The following NBAS variants were observed in gnomAD, a reference collection of about 807,000 sequenced individuals.
NBAS encodes the protein NAG/BC035112 fusion.
In NBAS, 219 loss-of-function variants were observed where a neutral mutation model predicts 302.5. The observed-to-expected ratio is 0.72, with a 90% CI of 0.65 to 0.81. The LOEUF (loss-of-function observed/expected upper bound fraction) is 0.81, where lower values mean the gene tolerates loss of function less well. Ranked by LOEUF, NBAS falls within the 30% of genes least tolerant of loss-of-function variation. The probability of loss-of-function intolerance (pLI) is 0.00; values close to 1 mark genes in which losing one functional copy is unlikely to be tolerated. For missense variants in NBAS, 2,932 were observed against 2,841.6 expected (o/e 1.03, Z -0.72); for synonymous variants, 1,118 against 1,021.6 (o/e 1.09, Z -1.80).
At chr2:15,248,207 G>A (rs749185037) in intron 44 of NBAS, among the ~76,000 whole-genome samples, 3 of 152,098 alleles carry the variant, frequency 2.0e-5, no homozygotes, top group African/African-American at 4.8e-5. Context: ...ATGACTACTC[G>A]GTGAATAACA....
intron 48 of NBAS, among the ~76,000 whole-genome samples, chr2:15,204,016 C>T (rs1666020738): frequency 6.6e-6 from 1 of 151,858 alleles, no homozygotes; most frequent in Non-Finnish European, 1.5e-5. Context: ...GCATCCAGCA[C>T]TTTGGGAGGT....
chr2:15,293,638 T>G (rs79713890), intron 40 of NBAS, among the ~76,000 whole-genome samples: 1 of 128,744 alleles, frequency 7.8e-6, no homozygotes, highest in Non-Finnish European at 1.6e-5. Flanking sequence ...ATATTTAATA[T>G]AAGCAAATTA....
chr2:15,196,579 A>G (rs1665630087), intron 48 of NBAS, among the ~76,000 whole-genome samples: 1 of 152,212 alleles, frequency 6.6e-6, no homozygotes, highest in Non-Finnish European at 1.5e-5. Flanking sequence ...TACAAACAAA[A>G]TGCAGAAAAC....
the NBAS span, among the ~76,000 whole-genome samples, chr2:14,804,918 A>C: frequency 6.6e-6 from 1 of 152,206 alleles, no homozygotes; most frequent in Non-Finnish European, 1.5e-5. Flanking sequence ...GTTTCCCCAA[A>C]CAGAAGGACC....
chr2:14,784,790 T>G, the NBAS span, among the ~76,000 whole-genome samples: 1 of 152,226 alleles, frequency 6.6e-6, no homozygotes, highest in Non-Finnish European at 1.5e-5. Context: ...TAGGATTGAC[T>G]TGGCGATGCA....
chr2:15,171,862 G>A (rs751680866), intron 51 of NBAS, among the ~76,000 whole-genome samples: 20 of 152,200 alleles, frequency 1.3e-4, no homozygotes, highest in East Asian at 5.8e-4. Context: ...GTGAGAAGGC[G>A]GCCGTCGACA....
intron 28 of NBAS, chr2:15,393,544 T>C (rs1053885466): frequency 2.6e-6 from 1 of 383,230 alleles, no homozygotes; most frequent in East Asian, 7.2e-5. Context: ...GTTTGGCAGT[T>C]TTTGAAAGTT....
chr2:15,383,516 G>A (rs1316655074), intron 28 of NBAS, among the ~76,000 whole-genome samples, 199 bp from the exon 29 acceptor site: 1 of 152,152 alleles, frequency 6.6e-6, no homozygotes, highest in Non-Finnish European at 1.5e-5. Flanking sequence ...GGAAAGTTGG[G>A]CAGCTATGCA....
the NBAS span, among the ~76,000 whole-genome samples, chr2:14,856,330 A>G: frequency 8.8e-4 from 134 of 152,338 alleles, 1 homozygote; most frequent in Non-Finnish European, 1.7e-3. Flanking sequence ...AAGAATGGCT[A>G]CAAATAAGTC....
At chr2:15,090,783 G>T in the NBAS span, among the ~76,000 whole-genome samples, 2 of 152,110 alleles carry the variant, frequency 1.3e-5, no homozygotes, top group Non-Finnish European at 2.9e-5. Context: ...GTCTTTATTT[G>T]AAAGCTCTGC....
intron 28 of NBAS, among the ~76,000 whole-genome samples, chr2:15,387,658 G>A (rs367557857): frequency 6.7e-6 from 1 of 148,308 alleles, no homozygotes; most frequent in Non-Finnish European, 1.5e-5. Context: ...TTAAGACAGT[G>A]TCTTACTCTG....
In NBAS at chr2:15,380,894, T is replaced by C. The variant is rs181198784; in HGVS notation, c.3361-1063A>G. Reference sequence around the variant, plus strand: ...GGATGCTCTTATTTTCACTTCTTTGTGTCTAGGCTTCCTGCAGAAGGCATT... The same window carrying C: ...GGATGCTCTTATTTTCACTTCTTTGCGTCTAGGCTTCCTGCAGAAGGCATT... On this transcript the variant is annotated intron_variant, in intron 29 of 51. Transcript: ENST00000281513. Among the ~76,000 whole-genome samples, 466 of 151,016 alleles carry C rather than the reference T, an allele frequency of 3.1e-3. 3 individuals carry two copies. Among genetic ancestry groups the C allele is most frequent in the Admixed American group, 8.4e-3 (127 of 15,078 alleles).
At chr2:14,891,456 T>G in the NBAS span, among the ~76,000 whole-genome samples, 1 of 152,194 alleles carries the variant, frequency 6.6e-6, no homozygotes, top group South Asian at 2.1e-4. Flanking sequence ...AATAAGTGTG[T>G]GTGAGGCAAA....
intron 42 of NBAS, among the ~76,000 whole-genome samples, chr2:15,286,855 T>C (rs577875595): frequency 6.6e-6 from 1 of 152,352 alleles, no homozygotes; most frequent in South Asian, 2.1e-4. Flanking sequence ...ATACTTAGTC[T>C]AGTACACAAA....
intron 35 of NBAS, among the ~76,000 whole-genome samples, chr2:15,332,598 A>T (rs1273113790): frequency 6.6e-6 from 1 of 152,116 alleles, no homozygotes; most frequent in African/African-American, 2.4e-5. Context: ...TGCAAAAACC[A>T]TCAACTCAAT....
At chr2:15,276,352 T>C (rs1207941346) in intron 43 of NBAS, among the ~76,000 whole-genome samples, 1 of 152,174 alleles carries the variant, frequency 6.6e-6, no homozygotes, top group African/African-American at 2.4e-5. Context: ...TTATGAAGTA[T>C]AAAAATTAAG....
At chr2:15,539,737 T>C (rs1345482621) in intron 6 of NBAS, among the ~76,000 whole-genome samples, 3 of 152,156 alleles carry the variant, frequency 2.0e-5, no homozygotes, top group Non-Finnish European at 4.4e-5. Flanking sequence ...GTTCCACTCC[T>C]CTAAAAGCAA....
At chr2:14,929,889 C>T in the NBAS span, among the ~76,000 whole-genome samples, 3 of 152,212 alleles carry the variant, frequency 2.0e-5, no homozygotes, top group East Asian at 5.8e-4. Flanking sequence ...TGGTAGGAGG[C>T]AACTGGATCA....
chr2:15,498,234 G>A (rs1004209300), intron 11 of NBAS, among the ~76,000 whole-genome samples: 1 of 152,146 alleles, frequency 6.6e-6, no homozygotes, highest in South Asian at 2.1e-4. Context: ...TACCACAGAT[G>A]CTAGAGTTCC....
Sources: allele counts gnomAD v4.1 joint callset (sites outside exome capture counted in the v4.1 genomes callset), GRCh38; gene constraint gnomAD v4.1.1; transcripts MANE v1.5; gene names NCBI Gene and HGNC (gene_info 2026-07-23, HGNC 2026-07-21).